SLC25A21: variants seen among roughly 807,000 people sequenced by gnomAD.
The protein encoded by SLC25A21 is mitochondrial 2-oxodicarboxylate carrier.
SLC25A21 carries 47 observed loss-of-function variants against 43.8 expected under a neutral mutation model. The observed-to-expected ratio is 1.07, with a 90% confidence interval of 0.85 to 1.37. SLC25A21 has a LOEUF of 1.37. Ranked by LOEUF, SLC25A21 falls within the 40% of genes most tolerant of loss-of-function variation. The pLI, the probability that SLC25A21 is intolerant of heterozygous loss-of-function variation, is 0.00. For missense variants in SLC25A21, 352 were observed against 350.2 expected, an observed-to-expected ratio of 1.00 and a Z score of -0.04; for synonymous variants, 131 against 121.3, an observed-to-expected ratio of 1.08 and a Z score of -0.52.
chr14:36,732,056 T>A (rs1248672226), intron 4 of SLC25A21, among the ~76,000 whole-genome samples: 4 of 152,166 alleles, frequency 2.6e-5, no homozygotes, highest in Non-Finnish European at 5.9e-5. Context: ...TTCATACTGG[T>A]CCCTGTTACT....
chr14:36,893,018 T>A (rs1165236905), intron 1 of SLC25A21, among the ~76,000 whole-genome samples: 1 of 152,214 alleles, frequency 6.6e-6, no homozygotes, highest in East Asian at 1.9e-4. Flanking sequence ...TACGTGTGCA[T>A]GTGTCTTTAG....
Position 37,042,769 on chromosome 14 carries a change from A to G in SLC25A21, c.70+129512T>C, listed in dbSNP as rs552124071. 5.2e-4 allele frequency among the ~76,000 whole-genome samples: 79 copies of G among 152,340 alleles called. 2 individuals are homozygous for G. Among genetic ancestry groups the G allele is most frequent in the South Asian group, 5.2e-3 (25 of 4,826 alleles). ...AGGGCATGTGTGAATTTTTAAAACA[A>G]CAATGGGTCCACGCTAACCAAGCTA... On this transcript the variant is annotated intron_variant, in intron 1 of 9. Transcript: ENST00000331299.
chr14:37,015,209 A>C (rs1262498607), intron 1 of SLC25A21, among the ~76,000 whole-genome samples: 3 of 100,712 alleles, frequency 3.0e-5, no homozygotes, highest in Non-Finnish European at 1.8e-5. Context: ...ACCCCACAAC[A>C]GTCCCCAGAG....
chr14:36,806,378 T>C (rs1888041489), intron 3 of SLC25A21, among the ~76,000 whole-genome samples: 1 of 152,142 alleles, frequency 6.6e-6, no homozygotes, highest in South Asian at 2.1e-4. Context: ...GAGAGATGTT[T>C]AATGTTTCTA....
At chr14:36,753,613 C>T (rs1198128897) in intron 3 of SLC25A21, among the ~76,000 whole-genome samples, 1 of 152,170 alleles carries the variant, frequency 6.6e-6, no homozygotes, top group Non-Finnish European at 1.5e-5. Flanking sequence ...TAGATTCATT[C>T]CTCTCCCTAA....
intron 1 of SLC25A21, among the ~76,000 whole-genome samples, chr14:36,918,474 G>A (rs559118217): frequency 6.6e-6 from 1 of 152,192 alleles, no homozygotes; most frequent in East Asian, 1.9e-4. Flanking sequence ...AATCCTTCCT[G>A]AAAACCAAAA....
chr14:36,845,537 G>C (rs1348309472), intron 2 of SLC25A21, among the ~76,000 whole-genome samples: 1 of 152,232 alleles, frequency 6.6e-6, no homozygotes, highest in Non-Finnish European at 1.5e-5. Flanking sequence ...TGTGTAAAAT[G>C]TGCCAAGTAT....
chr14:37,011,727 T>C (rs1960737625), intron 1 of SLC25A21, among the ~76,000 whole-genome samples: 1 of 152,212 alleles, frequency 6.6e-6, no homozygotes, highest in Non-Finnish European at 1.5e-5. Flanking sequence ...AATCCATTCA[T>C]TCCCAAAATG....
intron 1 of SLC25A21, among the ~76,000 whole-genome samples, chr14:36,934,195 CCTTTTAGGACTTGA>C (rs1355143889): frequency 6.6e-6 from 1 of 151,964 alleles, no homozygotes; most frequent in East Asian, 1.9e-4. Context: ...TTATTATTAA[CCTTTTAGGACTTGA>C]GTAAAGAACA....
intron 3 of SLC25A21, among the ~76,000 whole-genome samples, chr14:36,804,782 A>G (rs952184385): frequency 1.4e-4 from 21 of 152,174 alleles, no homozygotes; most frequent in African/African-American, 5.1e-4. Context: ...TTTTTTCTAC[A>G]ATAAGATAAT....
chr14:36,719,273 T>C (rs1329764869), intron 6 of SLC25A21, among the ~76,000 whole-genome samples: 2 of 152,200 alleles, frequency 1.3e-5, no homozygotes, highest in African/African-American at 2.4e-5. Flanking sequence ...TGCACCCAGT[T>C]TGGGGAGGTC....
Position 37,100,478 on chromosome 14 carries a change from C to T in SLC25A21, c.70+71803G>A, listed in dbSNP as rs78653350. On this transcript the variant is annotated intron_variant, in intron 1 of 9. Transcript: ENST00000331299. ...TTCTCATTCATCTAGATCATCCTAA[C>T]GCCCAACCCAAAGTAGATGTTTAAT... 1.6e-3 allele frequency among the ~76,000 whole-genome samples: 244 copies of T among 152,302 alleles called. 3 individuals are homozygous for T. The East Asian group carries it at 0.039, about 25-fold the overall frequency.
intron 1 of SLC25A21, among the ~76,000 whole-genome samples, chr14:37,085,231 A>T (rs1367651734): frequency 1.3e-5 from 2 of 152,144 alleles, no homozygotes; most frequent in African/African-American, 2.4e-5. Context: ...AACAGACAAC[A>T]CGCCACGCTC....
intron 1 of SLC25A21, among the ~76,000 whole-genome samples, chr14:37,171,153 G>A (rs1241128966): frequency 1.4e-5 from 2 of 145,816 alleles, no homozygotes. Flanking sequence ...GGGGAGGGGA[G>A]GGGAAAGATT....
chr14:36,874,965 AC>A lies in SLC25A21; in HGVS notation c.109del (p.Val37Ter). ...EICLMHPLDV[V>X]KTRFQIQRCA... ...TCATGCAGAACCTTACCTGGTTTTC[AC>A]CACATCTAGGGGGTGCATCAGGCAA... On this transcript the variant is annotated frameshift_variant, in exon 2 of 10. Transcript: ENST00000331299. LOFTEE classifies it high-confidence loss of function. 6.2e-7 allele frequency: 1 copy of A among 1,610,204 alleles called. No homozygotes were observed. The highest frequency in any genetic ancestry group is 8.5e-7 in the Non-Finnish European group (1 of 1,178,188).
intron 1 of SLC25A21, among the ~76,000 whole-genome samples, chr14:37,079,929 T>C (rs1477997628): frequency 6.6e-6 from 1 of 152,110 alleles, no homozygotes; most frequent in Non-Finnish European, 1.5e-5. Context: ...GCCTCATGAA[T>C]GGAAAGAGTG....
chr14:36,793,347 A>G (rs1332814369), intron 3 of SLC25A21, among the ~76,000 whole-genome samples: 2 of 152,162 alleles, frequency 1.3e-5, no homozygotes, highest in Non-Finnish European at 2.9e-5. Context: ...AAAATACGGA[A>G]ACACATGAAT....
intron 1 of SLC25A21, among the ~76,000 whole-genome samples, chr14:36,951,285 T>C (rs549645727): frequency 2.3e-4 from 34 of 150,322 alleles, no homozygotes; most frequent in Admixed American, 1.3e-3. Flanking sequence ...AAGCAATCAA[T>C]TCTGTTTAGA....
At chr14:37,161,715 C>T (rs902931093) in intron 1 of SLC25A21, among the ~76,000 whole-genome samples, 1 of 151,838 alleles carries the variant, frequency 6.6e-6, no homozygotes, top group African/African-American at 2.4e-5. Context: ...AATCCCAGCG[C>T]TTTGGGAGGC....
Sources: allele counts gnomAD v4.1 joint callset (sites outside exome capture counted in the v4.1 genomes callset), GRCh38; gene constraint gnomAD v4.1.1; transcripts MANE v1.5; gene names NCBI Gene and HGNC (gene_info 2026-07-23, HGNC 2026-07-21).